Variants in MEIKIN observed in about 807,000 individuals in gnomAD.
MEIKIN encodes the protein meiotic kinetochore factor, also known as meiosis-specific kinetochore protein.
chr5:131,808,938 TG>T (rs1305528625), intron 12 of MEIKIN, among the ~76,000 whole-genome samples: 2 of 152,084 alleles, frequency 1.3e-5, no homozygotes, highest in Non-Finnish European at 2.9e-5. Flanking sequence ...TAGGTAGGCA[TG>T]GTAGCACCTG....
intron 5 of MEIKIN, among the ~76,000 whole-genome samples, chr5:131,929,642 A>G (rs1352666933): frequency 1.3e-5 from 2 of 152,116 alleles, no homozygotes; most frequent in African/African-American, 2.4e-5. Context: ...CCAGATAGTG[A>G]GCATAGTATC....
chr5:131,899,531 T>C (rs1039264780), intron 8 of MEIKIN, among the ~76,000 whole-genome samples: 1 of 147,318 alleles, frequency 6.8e-6, no homozygotes, highest in Admixed American at 6.7e-5. Flanking sequence ...CACAGAGTGG[T>C]TGAATGGATT....
At chr5:131,875,770 C>T (rs987164725) in intron 9 of MEIKIN, among the ~76,000 whole-genome samples, 1 of 152,192 alleles carries the variant, frequency 6.6e-6, no homozygotes, top group Admixed American at 6.5e-5. Context: ...GTAACCAAAA[C>T]AGCATGGTAC....
chr5:131,837,787 A>T (rs1749835743), intron 11 of MEIKIN, among the ~76,000 whole-genome samples: 1 of 152,106 alleles, frequency 6.6e-6, no homozygotes. Flanking sequence ...TAGATATATG[A>T]TCATGTAGTC....
intron 11 of MEIKIN, among the ~76,000 whole-genome samples, chr5:131,823,891 G>A (rs899194429): frequency 9.2e-5 from 14 of 152,320 alleles, no homozygotes; most frequent in East Asian, 5.8e-4. Context: ...ACTGGTCTTT[G>A]CAGACTTGTA....
At chr5:131,851,794 T>C (rs1017664101) in intron 10 of MEIKIN, among the ~76,000 whole-genome samples, 22 of 152,170 alleles carry the variant, frequency 1.4e-4, no homozygotes, top group Non-Finnish European at 3.1e-4. Context: ...AGATGACTGA[T>C]TGATTTAGAG....
chr5:131,876,149 T>C (rs1750608729), intron 9 of MEIKIN, among the ~76,000 whole-genome samples: 6 of 152,018 alleles, frequency 3.9e-5, no homozygotes, highest in Admixed American at 3.9e-4. Context: ...AGAAATGGGA[T>C]CTAATTAAAC....
intron 8 of MEIKIN, among the ~76,000 whole-genome samples, chr5:131,880,066 C>G (rs1462978100): frequency 1.3e-5 from 2 of 151,798 alleles, no homozygotes; most frequent in Non-Finnish European, 2.9e-5. Context: ...ATTACAGGCA[C>G]ACACCACCAC....
chr5:131,864,179 G>A (rs750853720), intron 9 of MEIKIN, among the ~76,000 whole-genome samples: 3 of 152,060 alleles, frequency 2.0e-5, no homozygotes, highest in East Asian at 3.9e-4. Flanking sequence ...TCATTGATAT[G>A]TCATGCTTTG....
At chr5:131,823,144 T>G (rs967422736) in intron 11 of MEIKIN, among the ~76,000 whole-genome samples, 3 of 152,152 alleles carry the variant, frequency 2.0e-5, no homozygotes, top group African/African-American at 7.2e-5. Flanking sequence ...CTTTCAGAGT[T>G]TGATTATTAA....
chr5:131,885,246 T>C (rs1234528049), intron 8 of MEIKIN, among the ~76,000 whole-genome samples: 1 of 151,876 alleles, frequency 6.6e-6, no homozygotes, highest in Non-Finnish European at 1.5e-5. Flanking sequence ...TGTGCTGGCT[T>C]TAGTTCTGAC....
chr5:131,839,238 C>A (rs1388130227), intron 11 of MEIKIN, among the ~76,000 whole-genome samples: 2 of 151,960 alleles, frequency 1.3e-5, no homozygotes, highest in African/African-American at 4.8e-5. Context: ...GATTTCAGTT[C>A]TTTTGCATTT....
rs1387630649 is a variant in MEIKIN, at chr5:131,807,017, A to ATT, written c.*218_*219insAA. 5.7e-6 allele frequency: 2 copies of ATT among 353,814 alleles called. No homozygotes were observed. Among genetic ancestry groups the ATT allele is most frequent in the Non-Finnish European group, 1.0e-5 (2 of 199,226 alleles). The allele number at this position is 353,814 out of a possible 1,614,324, so 21.9% of individuals were successfully genotyped here. On this transcript the variant is annotated 3_prime_UTR_variant, in exon 13 of 13. Coordinates refer to ENST00000442687, the MANE Select transcript of MEIKIN (RefSeq NM_001303622.2). The stretch of plus-strand genomic sequence containing the variant: ...TGGTTCTTTATCTTTTAATATAAAT[A>ATT]CATATATTTAAGAAGCATATGGAAT...
chr5:131,847,872 G>T (rs1580870785), intron 11 of MEIKIN, among the ~76,000 whole-genome samples: 1 of 151,876 alleles, frequency 6.6e-6, no homozygotes, highest in South Asian at 2.1e-4. Flanking sequence ...ACCAGAGTTT[G>T]TGAAACTGAA....
chr5:131,837,120 A>C (rs1196629285), intron 11 of MEIKIN, among the ~76,000 whole-genome samples: 3 of 152,148 alleles, frequency 2.0e-5, no homozygotes, highest in South Asian at 2.1e-4. Flanking sequence ...CATTTATTGA[A>C]TAGGGAGTCC....
chr5:131,888,423 C>G (rs1184277615), intron 8 of MEIKIN, among the ~76,000 whole-genome samples: 1 of 152,016 alleles, frequency 6.6e-6, no homozygotes, highest in Non-Finnish European at 1.5e-5. Flanking sequence ...GAGATGGTAT[C>G]TCATTGTGGT....
At chr5:131,867,938 T>C (rs1316218126) in intron 9 of MEIKIN, among the ~76,000 whole-genome samples, 1 of 152,218 alleles carries the variant, frequency 6.6e-6, no homozygotes, top group Non-Finnish European at 1.5e-5. Flanking sequence ...TTTTTAAAAA[T>C]CATGAAACCA....
chr5:131,840,068 T>C (rs1749876704), intron 11 of MEIKIN, among the ~76,000 whole-genome samples: 2 of 152,144 alleles, frequency 1.3e-5, no homozygotes, highest in African/African-American at 2.4e-5. Context: ...TTCCCTCTGG[T>C]GAAAACAAAT....
At chr5:131,869,140 T>A (rs1220886052) in intron 9 of MEIKIN, among the ~76,000 whole-genome samples, 5 of 152,260 alleles carry the variant, frequency 3.3e-5, no homozygotes, top group Admixed American at 2.6e-4. Context: ...TGACCCATTG[T>A]GATTAATTCT....
Sources: allele counts gnomAD v4.1 joint callset (sites outside exome capture counted in the v4.1 genomes callset), GRCh38; gene constraint gnomAD v4.1.1; transcripts MANE v1.5; gene names NCBI Gene and HGNC (gene_info 2026-07-23, HGNC 2026-07-21).